Variants in FER1L6 observed in about 807,000 individuals in gnomAD.
The protein encoded by FER1L6 is fer-1-like protein 6.
Under a neutral mutation model 219.2 loss-of-function variants are expected in FER1L6, and 177 were observed. That is an observed-to-expected ratio of 0.81 (90% CI 0.71 to 0.91). The LOEUF is 0.91. Ranked by LOEUF, FER1L6 falls within the 40% of genes least tolerant of loss-of-function variation. FER1L6 has a pLI of 0.00. For missense variants in FER1L6, 2,153 were observed against 2,259.9 expected (o/e 0.95, Z 0.96); for synonymous variants, 768 against 824.3 (o/e 0.93, Z 1.17).
intron 1 of FER1L6, among the ~76,000 whole-genome samples, chr8:123,886,665 G>T (rs1350829890): frequency 1.3e-5 from 2 of 152,184 alleles, no homozygotes; most frequent in Non-Finnish European, 2.9e-5. Flanking sequence ...CTCTAAGACA[G>T]TCTTAATTTC....
At chr8:123,991,590 C>T (rs112006092) in intron 12 of FER1L6, among the ~76,000 whole-genome samples, 92 of 151,698 alleles carry the variant, frequency 6.1e-4, no homozygotes, top group African/African-American at 1.9e-3. Flanking sequence ...TTTATCAAGT[C>T]GAGGAGTCTT....
In FER1L6 at chr8:124,049,741, A is replaced by G; in HGVS notation, c.2859A>G (p.Val953=). The part of the protein sequence containing the change: ...GNLSGGDLLA[V]FELLQVPPSG... ...TCTCTGGAGGGGATCTCCTTGCTGT[A>G]TTTGAACTGCTGCAGGTGAGTGAAC... The change falls in exon 22 of 41, where the codon GTA becomes GTG. Residue 953 remains valine (V), a synonymous_variant. Coordinates refer to ENST00000522917, the MANE Select transcript of FER1L6 (RefSeq NM_001039112.2). 1 of 1,613,934 alleles carries G rather than the reference A, an allele frequency of 6.2e-7. No individual in the cohort carries two copies. The highest frequency in any genetic ancestry group is 8.5e-7 in the Non-Finnish European group (1 of 1,179,946).
At chr8:123,906,933 T>G (rs772886406) in intron 1 of FER1L6, among the ~76,000 whole-genome samples, 10 of 152,192 alleles carry the variant, frequency 6.6e-5, no homozygotes, top group Admixed American at 2.6e-4. Context: ...AGCATTGATA[T>G]TCTGTAACCT....
At chr8:123,986,779 T>G (rs944021048) in intron 12 of FER1L6, among the ~76,000 whole-genome samples, 1 of 152,240 alleles carries the variant, frequency 6.6e-6, no homozygotes, top group African/African-American at 2.4e-5. Context: ...TTTGTCTTTC[T>G]GTGCCTGGCT....
intron 8 of FER1L6, 35 bp downstream of exon 8, chr8:123,975,341 T>C (rs1816022782): frequency 1.9e-6 from 3 of 1,545,430 alleles, no homozygotes; most frequent in South Asian, 1.2e-5. Context: ...TGCATAGAAA[T>C]GATATGTCCA....
chr8:123,949,250 G>A (rs150113004), intron 1 of FER1L6, among the ~76,000 whole-genome samples: 3 of 152,298 alleles, frequency 2.0e-5, no homozygotes, highest in Non-Finnish European at 4.4e-5. Flanking sequence ...CTCTTGGAGA[G>A]TCACAGTGCA....
In FER1L6 at chr8:124,002,805, G is replaced by A. The variant is rs75479272; in HGVS notation, c.1520-362G>A. ...TGAAAAAGGCAGGTTACAAAATGACGTATCTATGATTCTTTACCAACATCT... is the reference window on the plus strand; with the variant it reads ...TGAAAAAGGCAGGTTACAAAATGACATATCTATGATTCTTTACCAACATCT... On this transcript the variant is annotated intron_variant, in intron 12 of 40. Coordinates refer to ENST00000522917, the MANE Select transcript of FER1L6 (RefSeq NM_001039112.2). Among the ~76,000 whole-genome samples, 122 of 150,574 alleles carry A rather than the reference G, an allele frequency of 8.1e-4. 2 individuals carry two copies. The East Asian group carries it at 0.021, about 26-fold the overall frequency.
chr8:123,983,427 T>C (rs1174221535), intron 11 of FER1L6, among the ~76,000 whole-genome samples: 3 of 152,264 alleles, frequency 2.0e-5, no homozygotes, highest in East Asian at 1.9e-4. Context: ...ATCCTCGATA[T>C]TGGTAAGAAT....
intron 1 of FER1L6, among the ~76,000 whole-genome samples, chr8:123,923,200 C>T (rs1466849495): frequency 6.6e-6 from 1 of 152,222 alleles, no homozygotes; most frequent in Non-Finnish European, 1.5e-5. Context: ...CTGAATCAGA[C>T]AGCAAGATGC....
At chr8:123,898,643 T>TATATATATATATATATGTATATATATACG (rs1812789403) in intron 1 of FER1L6, among the ~76,000 whole-genome samples, 1 of 142,048 alleles carries the variant, frequency 7.0e-6, no homozygotes, top group African/African-American at 2.6e-5. Flanking sequence ...GTATTCCATT[T>TATATATATATATATATGTATATATATACG]TATATATATA....
chr8:124,055,530 C>T (rs756372336), intron 22 of FER1L6, among the ~76,000 whole-genome samples: 120 of 152,182 alleles, frequency 7.9e-4, no homozygotes, highest in Non-Finnish European at 1.6e-3. Context: ...ACACTTTGGC[C>T]TTCTTTTCCA....
At chr8:124,087,058 G>C (rs4596636) in intron 33 of FER1L6, among the ~76,000 whole-genome samples, 1 of 152,030 alleles carries the variant, frequency 6.6e-6, no homozygotes, top group African/African-American at 2.4e-5. Flanking sequence ...AATGTCTTGA[G>C]GTAGTCTTAT....
chr8:123,932,406 G>C (rs1813807031), intron 1 of FER1L6, among the ~76,000 whole-genome samples: 1 of 152,186 alleles, frequency 6.6e-6, no homozygotes, highest in Non-Finnish European at 1.5e-5. Flanking sequence ...ACCGTGCCAG[G>C]CTCCGTATTT....
intron 1 of FER1L6, among the ~76,000 whole-genome samples, chr8:123,938,541 A>ATTTT (rs11301898): frequency 2.1e-5 from 2 of 93,666 alleles, no homozygotes; most frequent in Non-Finnish European, 2.2e-5. Context: ...TTTACCTGAA[A>ATTTT]TTTTTTTTTT....
At chr8:123,911,916 C>G (rs1813053289) in intron 1 of FER1L6, among the ~76,000 whole-genome samples, 1 of 152,150 alleles carries the variant, frequency 6.6e-6, no homozygotes, top group African/African-American at 2.4e-5. Flanking sequence ...GGGGGAACAG[C>G]TGGCGTGTGC....
At chr8:124,117,858 G>C (rs767755542) in intron 39 of FER1L6, among the ~76,000 whole-genome samples, 2 of 152,060 alleles carry the variant, frequency 1.3e-5, no homozygotes, top group Non-Finnish European at 2.9e-5. Context: ...TTTTTGTATT[G>C]GGGTAAGAAA....
At chr8:124,072,977 T>G (rs536838333) in intron 31 of FER1L6, among the ~76,000 whole-genome samples, 2 of 152,244 alleles carry the variant, frequency 1.3e-5, no homozygotes, top group African/African-American at 2.4e-5. Flanking sequence ...CATTAGCACA[T>G]TCAAGGCTCT....
At chr8:124,042,167 T>A (rs893689970) in intron 20 of FER1L6, among the ~76,000 whole-genome samples, 23 of 152,230 alleles carry the variant, frequency 1.5e-4, no homozygotes, top group Admixed American at 2.6e-4. Context: ...TGTGTAATTA[T>A]CCTTGTATTT....
chr8:124,103,199 G>C lies in FER1L6; in HGVS notation c.5179G>C (p.Ala1727Pro), dbSNP rs758299081. 2.5e-6 allele frequency: 4 copies of C among 1,614,122 alleles called. No homozygotes were observed. Among genetic ancestry groups the C allele is most frequent in the Non-Finnish European group, 3.4e-6 (4 of 1,179,988 alleles). The stretch of plus-strand genomic sequence containing the variant: ...CCCTCGAGCAGCTAAGTCTGCCAAA[G>C]CCTGTGATCTTGCCAAGTTTGAAAA... ...SFPRAAKSAK[A>P]CDLAKFENAS... Residue 1727 changes from alanine to proline, a missense_variant, in exon 39 of 41, where the codon GCC becomes CCC. Physicochemically the swap from Ala to Pro is conservative, Grantham distance 27 (BLOSUM62 -1). Transcript: ENST00000522917.
Sources: allele counts gnomAD v4.1 joint callset (sites outside exome capture counted in the v4.1 genomes callset), GRCh38; gene constraint gnomAD v4.1.1; transcripts MANE v1.5; gene names NCBI Gene and HGNC (gene_info 2026-07-23, HGNC 2026-07-21).